PIK3R3: variants seen among roughly 807,000 people sequenced by gnomAD.
PIK3R3 encodes phosphoinositide-3-kinase regulatory subunit 3, also known as phosphatidylinositol 3-kinase regulatory subunit gamma.
In PIK3R3, 64 loss-of-function variants were observed where a neutral mutation model predicts 62.9. That is an observed-to-expected ratio of 1.02 (90% confidence interval 0.83 to 1.25). The LOEUF (loss-of-function observed/expected upper bound fraction) is 1.25, where lower values mean the gene tolerates loss of function less well. Among genes scored for constraint, PIK3R3 ranks in the 50% most tolerant of loss-of-function variants. The probability of loss-of-function intolerance (pLI) is 0.00; values close to 1 mark genes in which losing one functional copy is unlikely to be tolerated. For missense variants in PIK3R3, 614 were observed against 561.6 expected, an observed-to-expected ratio of 1.09 and a Z score of -0.94; for synonymous variants, 165 against 189.0, an observed-to-expected ratio of 0.87 and a Z score of 1.04.
chr1:46,143,803 T>A, the PIK3R3 span, among the ~76,000 whole-genome samples: 1 of 152,192 alleles, frequency 6.6e-6, no homozygotes, highest in African/African-American at 2.4e-5. Flanking sequence ...TTTATCATTT[T>A]TATGTGTTGG....
At chr1:46,132,885 C>A, upstream of PIK3R3, 1 of 1,193,620 alleles carries the variant, frequency 8.4e-7, no homozygotes, top group South Asian at 1.5e-5. Flanking sequence ...CCCAATCAGC[C>A]ATCCGCGCTC....
chr1:46,065,847 C>T (rs949918596), intron 5 of PIK3R3, among the ~76,000 whole-genome samples: 1 of 152,198 alleles, frequency 6.6e-6, no homozygotes, highest in African/African-American at 2.4e-5. Context: ...TTTATTTTGT[C>T]ACTTGTGACC....
chr1:46,076,487 G>C (rs151107868), intron 3 of PIK3R3, among the ~76,000 whole-genome samples: 31 of 152,234 alleles, frequency 2.0e-4, no homozygotes, highest in African/African-American at 7.5e-4. Context: ...AGCCTGAGTG[G>C]AGTAGAGGAA....
At chr1:46,151,105 T>C in the PIK3R3 span, among the ~76,000 whole-genome samples, 7 of 152,066 alleles carry the variant, frequency 4.6e-5, no homozygotes, top group Non-Finnish European at 1.5e-5. Context: ...GCAACTGTGC[T>C]CGGCTGCTGG....
intron 6 of PIK3R3, among the ~76,000 whole-genome samples, chr1:46,059,723 G>A (rs925601668): frequency 4.6e-5 from 7 of 152,158 alleles, no homozygotes; most frequent in African/African-American, 1.7e-4. Context: ...GAGCCCAGGA[G>A]GTTGAGGCTG....
At position 46,131,770 on chromosome 1, in the gene PIK3R3, C is replaced by A. The variant is rs1015061259; in HGVS notation, c.106+77G>T. The A allele has an allele frequency of 1.2e-5, 17 of 1,399,898 alleles. No individual in the cohort carries two copies. In the African/African-American group the frequency reaches 2.4e-4, roughly 20 times the overall value. The allele number at this position is 1,399,898 out of a possible 1,614,324, so 86.7% of individuals were successfully genotyped here. A position where few individuals can be genotyped will look rare whatever the true frequency, so the allele number is the denominator to read the frequency against. Reference sequence around the variant, plus strand: ...CTAGCGCACCCAGGAATACTTCTGCCCTGAAAACATCAGCAAGCTCTTGGT... The same window carrying A: ...CTAGCGCACCCAGGAATACTTCTGCACTGAAAACATCAGCAAGCTCTTGGT... On this transcript the variant is annotated intron_variant, in intron 1 of 9. Transcript: ENST00000262741.
rs1031427457 is a variant in PIK3R3 at position 46,064,398 on chromosome 1, G to A, written c.621+1656C>T. Among the ~76,000 whole-genome samples the A allele has an allele frequency of 9.3e-5, 14 of 149,760 alleles. No individual in the cohort carries two copies. The South Asian group carries it at 1.9e-3, about 21-fold the overall frequency. The stretch of plus-strand genomic sequence containing the variant: ...TCTACTAAAAATACAACAATTTGCC[G>A]GGCATGGTGGTGCACGCCTGTAATC... On this transcript the variant is annotated intron_variant, in intron 5 of 9. Coordinates refer to ENST00000262741, the MANE Select transcript of PIK3R3 (RefSeq NM_003629.4).
At chr1:46,050,042 A>G (rs141575980) in intron 7 of PIK3R3, among the ~76,000 whole-genome samples, 4,981 of 150,070 alleles carry the variant, frequency 0.033, 279 homozygotes, top group African/African-American at 0.12. Flanking sequence ...AAGTGCTTGA[A>G]CCTGGGAGGC....
intron 1 of PIK3R3, among the ~76,000 whole-genome samples, chr1:46,123,772 G>A (rs1475218945): frequency 6.6e-6 from 1 of 152,174 alleles, no homozygotes; most frequent in East Asian, 1.9e-4. Context: ...ATTTTATAAG[G>A]TTGTTGTGTG....
intron 1 of PIK3R3, among the ~76,000 whole-genome samples, chr1:46,097,724 C>T (rs1042162607): frequency 2.6e-5 from 4 of 151,844 alleles, no homozygotes; most frequent in African/African-American, 9.7e-5. Context: ...CCCGTCTTTA[C>T]TAAAAATACA....
At chr1:46,148,772 G>C in the PIK3R3 span, among the ~76,000 whole-genome samples, 5 of 148,994 alleles carry the variant, frequency 3.4e-5, no homozygotes, top group Non-Finnish European at 7.4e-5. Context: ...GAGAGAGAGA[G>C]AGAGACATGA....
chr1:46,122,430 C>T (rs1235517015), intron 1 of PIK3R3, among the ~76,000 whole-genome samples: 2 of 152,132 alleles, frequency 1.3e-5, no homozygotes, highest in Non-Finnish European at 1.5e-5. Flanking sequence ...AGTGCAGTGG[C>T]GCGATCTCAG....
At chr1:46,088,728 A>C (rs751050526) in intron 1 of PIK3R3, among the ~76,000 whole-genome samples, 1 of 152,064 alleles carries the variant, frequency 6.6e-6, no homozygotes, top group Admixed American at 6.5e-5. Flanking sequence ...ATAAGAAAAA[A>C]TTTTCAGAAC....
At chr1:46,166,745 AGTCGT>A in the PIK3R3 span, among the ~76,000 whole-genome samples, 1 of 152,190 alleles carries the variant, frequency 6.6e-6, no homozygotes, top group Non-Finnish European at 1.5e-5. Flanking sequence ...CGAATTCGCT[AGTCGT>A]GTCCAAACTG....
chr1:46,048,852 C>T (rs534249150), intron 7 of PIK3R3, among the ~76,000 whole-genome samples: 195 of 152,226 alleles, frequency 1.3e-3, no homozygotes, highest in Non-Finnish European at 2.3e-3. Flanking sequence ...AGTTCTGAGT[C>T]CTTACAAACC....
the PIK3R3 span, among the ~76,000 whole-genome samples, chr1:46,153,956 C>T: frequency 6.6e-6 from 1 of 152,156 alleles, no homozygotes; most frequent in Non-Finnish European, 1.5e-5. Context: ...GTACTTAGGA[C>T]TTGATCTAGA....
chr1:46,045,644 T>C (rs12132540), intron 9 of PIK3R3, among the ~76,000 whole-genome samples: 1,328 of 82,364 alleles, frequency 0.016, 92 homozygotes, highest in East Asian at 0.027. Context: ...TTTTTTTTTT[T>C]CAATTTAAGA....
At chr1:46,118,294 A>T (rs1557628654) in intron 1 of PIK3R3, among the ~76,000 whole-genome samples, 2 of 141,856 alleles carry the variant, frequency 1.4e-5, no homozygotes, top group African/African-American at 5.3e-5. Flanking sequence ...ACAACCTCAC[A>T]GCTTCTACCC....
rs2149369124 is a variant in PIK3R3 at position 46,043,127 on chromosome 1, CT to C, written c.*545del. 1 of 229,396 alleles carries C rather than the reference CT, an allele frequency of 4.4e-6. No homozygotes were observed. The highest frequency in any genetic ancestry group is 1.8e-4 in the South Asian group (1 of 5,494). 14.2% of individuals were successfully genotyped at this position (229,396 alleles called of 1,614,324 possible). A position where few individuals can be genotyped will look rare whatever the true frequency, so the allele number is the denominator to read the frequency against. On this transcript the variant is annotated 3_prime_UTR_variant, in exon 10 of 10. Transcript: ENST00000262741. ...TTCAGTTGAAGGTTTTTTTTATCAT[CT>C]TGGCTTAGATTATTTAAATGAAATC...
Sources: gnomAD v4.1 joint callset for allele counts (sites outside exome capture counted in the v4.1 genomes callset) on GRCh38, gnomAD v4.1.1 for gene constraint, MANE v1.5 for transcripts, NCBI Gene and HGNC (gene_info 2026-07-23, HGNC 2026-07-21) for gene names.